Variants in KIFC2 observed in about 807,000 individuals in gnomAD.
KIFC2 encodes kinesin-like protein KIFC2.
KIFC2 carries 94 observed loss-of-function variants against 91.5 expected under a neutral mutation model. The observed-to-expected ratio is 1.03, with a 90% CI of 0.87 to 1.22. The LOEUF (loss-of-function observed/expected upper bound fraction) is 1.22. KIFC2 is among the 50% of genes most tolerant of loss of function. KIFC2 has a pLI of 0.00. For synonymous variants in KIFC2, 729 were observed against 503.9 expected, an observed-to-expected ratio of 1.45 and a Z score of -5.98; for missense variants, 1,357 against 1,103.3, an observed-to-expected ratio of 1.23 and a Z score of -3.26.
rs1176936107 is a variant in KIFC2, at chr8:144,467,861, G to C, written c.684G>C (p.Gly228=). Residue 228 remains glycine, a splice_region_variant and synonymous_variant, in exon 7 of 18, where the codon GGG becomes GGC. Coordinates refer to ENST00000645548, the MANE Select transcript of KIFC2 (RefSeq NM_001369769.2). ...EELGRLRLGV[G]ATDSEKRVQH... ...TGCCGAGGTTTCCTCTCCACCAGGG[G>C]GCGACGGACTCAGAGAAAAGGGTTC... 4 of 1,613,370 alleles carry C rather than the reference G, an allele frequency of 2.5e-6. No individual in the cohort carries two copies. In the South Asian group the frequency reaches 4.4e-5, roughly 18 times the overall value.
rs778195064 is a variant in KIFC2, at chr8:144,473,171, T to G, written c.2158T>G (p.Ser720Ala). 4.4e-6 allele frequency: 7 copies of G among 1,576,616 alleles called. No individual in the cohort carries two copies. Among genetic ancestry groups the G allele is most frequent in the Non-Finnish European group, 5.2e-6 (6 of 1,162,058 alleles). The change falls in exon 18 of 18, where the codon TCC (serine) becomes GCC (alanine). Residue 720 changes from serine to alanine, a missense_variant. Transcript: ENST00000645548. Reference protein sequence around the residue: ...RPEDLGETVCSLKFADRVGQV... With the variant: ...RPEDLGETVCALKFADRVGQV... ...GGAGGATCTCGGGGAGACAGTCTGC[T>G]CCCTCAAGTTCGCCGACCGAGTGGG... is the stretch of plus-strand genomic sequence containing the variant.
In KIFC2 at chr8:144,466,396, G is replaced by T. The variant is rs772022651; in HGVS notation, c.-24G>T. 2 of 1,077,618 alleles carry T rather than the reference G, an allele frequency of 1.9e-6. No homozygotes were observed. Among genetic ancestry groups the T allele is most frequent in the East Asian group, 4.2e-5 (1 of 24,062 alleles). 66.8% of individuals were successfully genotyped at this position (1,077,618 alleles called of 1,614,324 possible). A position where few individuals can be genotyped will look rare whatever the true frequency, so the allele number is the denominator to read the frequency against. ...GGGGACGCGGGGCGGCGCGAAGCGG[G>T]GCCCTCTGCCGCCCCGCGCTCCCAT... On this transcript the variant is annotated 5_prime_UTR_variant, in exon 1 of 18. Transcript: ENST00000645548.
At position 144,469,626 on chromosome 8, in the gene KIFC2, T is replaced by C; in HGVS notation, c.1359T>C (p.Pro453=). The C allele has an allele frequency of 6.2e-7, 1 of 1,604,178 alleles. No homozygotes were observed. The highest frequency in any genetic ancestry group is 8.5e-7 in the Non-Finnish European group (1 of 1,175,504). ...GATTCCGCCTAGACTGGGTCTTCCC[T>C]CCAGACGCCAGCCAGGAGGAGGTGA... ...HRRFRLDWVF[P]PDASQEEVFR... is the part of the protein sequence containing the mutation. The change falls in exon 12 of 18, where the codon CCT becomes CCC. Residue 453 remains proline (P), a synonymous_variant. Coordinates refer to ENST00000645548, the MANE Select transcript of KIFC2 (RefSeq NM_001369769.2).
At chr8:144,471,594 C>CT (rs1564749503) in intron 12 of KIFC2, among the ~76,000 whole-genome samples, 1 of 152,090 alleles carries the variant, frequency 6.6e-6, no homozygotes, top group African/African-American at 2.4e-5. Context: ...ATTTATTTTT[C>CT]TTTTTTTCAC....
chr8:144,473,213 C>A lies in KIFC2; in HGVS notation c.2200C>A (p.Pro734Thr). 6.3e-7 allele frequency: 1 copy of A among 1,590,158 alleles called. No homozygotes were observed. Among genetic ancestry groups the A allele is most frequent in the Non-Finnish European group, 8.6e-7 (1 of 1,169,382 alleles). The change falls in exon 18 of 18, where the codon CCA becomes ACA. Residue 734 changes from proline to threonine, a missense_variant. By Grantham distance (38) the Pro-to-Thr change is conservative (BLOSUM62 -1). Coordinates refer to ENST00000645548, the MANE Select transcript of KIFC2 (RefSeq NM_001369769.2). ...CCGAGTGGGTCAAGTGGAGCTGGGG[C>A]CAGCCCGGCGCCGCAGGGTCCCGCG... ...ADRVGQVELG[P>T]ARRRRVPRSS...
chr8:144,472,732 G>C, intron 16 of KIFC2, 26 bp downstream of exon 16: 1 of 1,592,592 alleles, frequency 6.3e-7, no homozygotes, highest in Non-Finnish European at 8.5e-7. Context: ...CCTGAGCCCT[G>C]CGGAGTCTCC....
chr8:144,472,275 A>G lies in KIFC2; in HGVS notation c.1607+16A>G. 6.2e-7 allele frequency: 1 copy of G among 1,613,376 alleles called. No homozygotes were observed. The highest frequency in any genetic ancestry group is 8.5e-7 in the Non-Finnish European group (1 of 1,179,982). On this transcript the variant is annotated intron_variant, in intron 14 of 17. Coordinates refer to ENST00000645548, the MANE Select transcript of KIFC2 (RefSeq NM_001369769.2). ...AGGCTGTCAGGTGGGCTACTCCACC[A>G]GGGAGGCCTTCTCCCCACCCCTGGC... is the stretch of plus-strand genomic sequence containing the variant.
At position 144,468,729 on chromosome 8, in the gene KIFC2, T is replaced by G. The variant is rs759003449; in HGVS notation, c.1008T>G (p.Leu336=). ...LQQMHGQLAG[L]RARMASLRQG... ...CCAACAGACTTCCCTCTCCAGGACTTCGGGCACGGATGGCCAGCCTGCGTC... is the reference window on the plus strand; with the variant it reads ...CCAACAGACTTCCCTCTCCAGGACTGCGGGCACGGATGGCCAGCCTGCGTC... The change falls in exon 10 of 18, where the codon CTT becomes CTG. Residue 336 remains leucine (L), a synonymous_variant. Coordinates refer to ENST00000645548, the MANE Select transcript of KIFC2 (RefSeq NM_001369769.2). 20 of 1,613,874 alleles carry G rather than the reference T, an allele frequency of 1.2e-5. No homozygotes were observed. Among genetic ancestry groups the G allele is most frequent in the Admixed American group, 8.3e-5 (5 of 59,988 alleles).
At chr8:144,471,500 A>G (rs1435234658) in intron 12 of KIFC2, among the ~76,000 whole-genome samples, 2 of 151,982 alleles carry the variant, frequency 1.3e-5, no homozygotes, top group African/African-American at 4.8e-5. Flanking sequence ...TTTTGTACAG[A>G]CGGGATTTCA....
Position 144,473,270 on chromosome 8 carries a change from G to A in KIFC2, c.2257G>A (p.Asp753Asn), listed in dbSNP as rs779610735. The A allele has an allele frequency of 1.2e-6, 2 of 1,605,820 alleles. No individual in the cohort carries two copies. Among genetic ancestry groups the A allele is most frequent in the South Asian group, 1.1e-5 (1 of 89,868 alleles). ...SSGTPSSLST[D>N]TPLTGTPCTP... ...CGGGACGCCTTCTTCCCTCAGCACC[G>A]ACACTCCGCTCACCGGGACCCCCTG... The change falls in exon 18 of 18, where the codon GAC becomes AAC. Residue 753 changes from aspartate to asparagine, a missense_variant. Asp to Asn is a conservative substitution (Grantham distance 23, BLOSUM62 1). Transcript: ENST00000645548.
At position 144,467,307 on chromosome 8, in the gene KIFC2, G is replaced by A; in HGVS notation, c.435G>A (p.Gln145=). The part of the protein sequence containing the change: ...RGRQALLQGT[Q]PAPRVRPPSP... Reference sequence around the variant, plus strand: ...GGCAGGCCCTGCTCCAGGGGACTCAGCCAGCCCCTCGGGTCCGGCCCCCCT... The same window carrying A: ...GGCAGGCCCTGCTCCAGGGGACTCAACCAGCCCCTCGGGTCCGGCCCCCCT... The change falls in exon 4 of 18, where the codon CAG becomes CAA. Residue 145 remains glutamine (Q), a synonymous_variant. Transcript: ENST00000645548. 1.9e-6 allele frequency: 3 copies of A among 1,612,310 alleles called. No homozygotes were observed. Among genetic ancestry groups the A allele is most frequent in the South Asian group, 1.1e-5 (1 of 90,996 alleles).
At chr8:144,466,602 C>T (rs1824649275) in intron 1 of KIFC2, 84 bp downstream of exon 1, 5 of 850,960 alleles carry the variant, frequency 5.9e-6, no homozygotes, top group Non-Finnish European at 6.3e-6. Flanking sequence ...GGGGCGGGCA[C>T]GGGGCGCGGG....
At position 144,473,381 on chromosome 8, in the gene KIFC2, C is replaced by T. The variant is rs754575603; in HGVS notation, c.2368C>T (p.Pro790Ser). The T allele has an allele frequency of 5.3e-5, 83 of 1,577,158 alleles. No individual in the cohort carries two copies. The highest frequency in any genetic ancestry group is 6.9e-5 in the Non-Finnish European group (81 of 1,166,368). Residue 790 changes from proline to serine, a missense_variant, in exon 18 of 18, where the codon CCC (proline) becomes TCC (serine). Physicochemically the swap from Pro to Ser is moderately conservative, Grantham distance 74. Coordinates refer to ENST00000645548, the MANE Select transcript of KIFC2 (RefSeq NM_001369769.2). ...GSALAPAEGL[P>S]L ...GGCTCTCGCGCCCGCAGAGGGCCTG[C>T]CCCTCTAGTCCTGGGTCGCGGCCCT...
At chr8:144,468,866 T>C in intron 10 of KIFC2, 32 bp downstream of exon 10, 1 of 1,559,872 alleles carries the variant, frequency 6.4e-7, no homozygotes, top group Non-Finnish European at 8.8e-7. Context: ...GCCCCTCCTC[T>C]CTGGGCAGCC....
At position 144,468,512 on chromosome 8, in the gene KIFC2, CAG is replaced by C. The variant is rs144325336; in HGVS notation, c.889-23_889-22del. On this transcript the variant is annotated intron_variant, in intron 8 of 17. Coordinates refer to ENST00000645548, the MANE Select transcript of KIFC2 (RefSeq NM_001369769.2). Reference sequence around the variant, plus strand: ...TGGTAAGTGCCTGTTTCCTCAGTGACAGGGGTGGGGTTGGGCGGGGCAGCTGG... The same window carrying C: ...TGGTAAGTGCCTGTTTCCTCAGTGACGGGTGGGGTTGGGCGGGGCAGCTGG... 2.9e-3 allele frequency: 1,653 copies of C among 571,794 alleles called. 24 individuals are homozygous for C. In the East Asian group the frequency reaches 0.09, roughly 31 times the overall value. 35.4% of individuals were successfully genotyped at this position (571,794 alleles called of 1,614,324 possible).
chr8:144,468,257 A>C (rs1222865263), intron 7 of KIFC2, 72 bp from the exon 8 acceptor site: 2 of 1,392,232 alleles, frequency 1.4e-6, no homozygotes, highest in East Asian at 2.4e-5. Flanking sequence ...TCTTGACTTG[A>C]CTTTCCCATC....
chr8:144,469,226 C>T (rs1418609824), intron 10 of KIFC2, 45 bp from the exon 11 acceptor site: 18 of 1,494,326 alleles, frequency 1.2e-5, no homozygotes, highest in South Asian at 6.0e-5. Context: ...ACCTCCGCAG[C>T]TCCTTGGCTG....
At chr8:144,468,466 G>A in intron 8 of KIFC2, 60 bp downstream of exon 8, 1 of 1,582,236 alleles carries the variant, frequency 6.3e-7, no homozygotes, top group South Asian at 1.1e-5. Context: ...GTTTTGGGAG[G>A]GGCTTATCTG....
chr8:144,472,361 G>A lies in KIFC2; in HGVS notation c.1608G>A (p.Arg536=), dbSNP rs1362545770. 2 of 1,613,420 alleles carry A rather than the reference G, an allele frequency of 1.2e-6. No homozygotes were observed. The highest frequency in any genetic ancestry group is 1.7e-6 in the Non-Finnish European group (2 of 1,179,986). Residue 536 remains arginine, a splice_region_variant and synonymous_variant, in exon 15 of 18, where the codon AGG becomes AGA. Coordinates refer to ENST00000645548, the MANE Select transcript of KIFC2 (RefSeq NM_001369769.2). ...SMVEIYNEAV[R]DLLAPGPPER... ...CCAAGACCTTCCCCTTTCTCACCAG[G>A]GACCTCCTTGCTCCAGGGCCTCCCG...
Sources: gnomAD v4.1 joint callset for allele counts (sites outside exome capture counted in the v4.1 genomes callset) on GRCh38, gnomAD v4.1.1 for gene constraint, MANE v1.5 for transcripts, NCBI Gene and HGNC (gene_info 2026-07-23, HGNC 2026-07-21) for gene names.